GPHN: variants seen among roughly 807,000 people sequenced by gnomAD.
The protein encoded by GPHN is gephyrin.
GPHN carries 17 observed loss-of-function variants against 95.5 expected under a neutral mutation model. The ratio of observed to expected loss-of-function variants is 0.18; its 90% CI spans 0.12 to 0.27. GPHN has a LOEUF of 0.27. Among genes scored for constraint, GPHN ranks in the 10% least tolerant of loss-of-function variants. The pLI is 1.00. For missense variants in GPHN, 660 were observed against 978.1 expected, an observed-to-expected ratio of 0.67 and a Z score of 4.34; for synonymous variants, 320 against 322.5, an observed-to-expected ratio of 0.99 and a Z score of 0.08.
At chr14:66,919,323 A>G (rs1326908360) in intron 6 of GPHN, among the ~76,000 whole-genome samples, 1 of 152,166 alleles carries the variant, frequency 6.6e-6, no homozygotes, top group Non-Finnish European at 1.5e-5. Context: ...GTATTTTCCC[A>G]AGAAAAGGAG....
chr14:66,852,553 G>A (rs1329436732), intron 4 of GPHN, among the ~76,000 whole-genome samples: 1 of 152,220 alleles, frequency 6.6e-6, no homozygotes, highest in Non-Finnish European at 1.5e-5. Flanking sequence ...TCTGGGTGGG[G>A]AAATTGCTCT....
the GPHN span, among the ~76,000 whole-genome samples, chr14:67,329,172 C>T: frequency 1.3e-5 from 2 of 152,158 alleles, no homozygotes; most frequent in Non-Finnish European, 2.9e-5. Flanking sequence ...GTTTGTAGTT[C>T]TCCTTGAAGA....
At chr14:67,033,833 G>A (rs1229905568) in intron 10 of GPHN, among the ~76,000 whole-genome samples, 1 of 152,122 alleles carries the variant, frequency 6.6e-6, no homozygotes, top group Admixed American at 6.6e-5. Context: ...AGGAGCAAGA[G>A]AAAAGTAACT....
At chr14:66,930,114 G>C (rs898726291) in intron 8 of GPHN, among the ~76,000 whole-genome samples, 1 of 152,170 alleles carries the variant, frequency 6.6e-6, no homozygotes, top group Admixed American at 6.5e-5. Flanking sequence ...TGATTGGAGA[G>C]TTAAGTTCAT....
At chr14:67,126,098 A>G (rs2079298709) in intron 17 of GPHN, among the ~76,000 whole-genome samples, 1 of 152,200 alleles carries the variant, frequency 6.6e-6, no homozygotes, top group Non-Finnish European at 1.5e-5. Flanking sequence ...GAGAATTAAC[A>G]ACTGTATTTG....
chr14:67,074,598 C>G (rs2076426198), intron 11 of GPHN, among the ~76,000 whole-genome samples: 3 of 152,060 alleles, frequency 2.0e-5, no homozygotes, highest in Admixed American at 2.0e-4. Flanking sequence ...TTACATGTCT[C>G]TCATTTTAAA....
chr14:67,712,253 C>G, the GPHN span, among the ~76,000 whole-genome samples: 2 of 152,134 alleles, frequency 1.3e-5, no homozygotes, highest in East Asian at 3.9e-4. Context: ...GATCTCTGAG[C>G]TCTGGGAGGA....
intron 4 of GPHN, among the ~76,000 whole-genome samples, chr14:66,864,823 G>T (rs2063167513): frequency 6.6e-6 from 1 of 152,044 alleles, no homozygotes; most frequent in Non-Finnish European, 1.5e-5. Context: ...GCACTCCCAT[G>T]TTTCTGGCAG....
intron 1 of GPHN, among the ~76,000 whole-genome samples, chr14:66,658,661 G>C (rs1047957593): frequency 2.6e-5 from 4 of 152,064 alleles, no homozygotes; most frequent in African/African-American, 9.7e-5. Context: ...TAAAATCAAG[G>C]TATGTACATT....
chr14:67,146,452 C>A (rs1567404117), intron 18 of GPHN, among the ~76,000 whole-genome samples: 1 of 152,116 alleles, frequency 6.6e-6, no homozygotes, highest in Non-Finnish European at 1.5e-5. Context: ...TTTCTTCGAC[C>A]TACAAAATTA....
chr14:66,723,225 G>C (rs990174613), intron 2 of GPHN, among the ~76,000 whole-genome samples: 11 of 151,460 alleles, frequency 7.3e-5, no homozygotes, highest in African/African-American at 2.4e-4. Context: ...TCATCTACTT[G>C]TAAAGACGAG....
intron 1 of GPHN, among the ~76,000 whole-genome samples, chr14:66,657,514 A>G (rs1595432693): frequency 6.6e-6 from 1 of 152,196 alleles, no homozygotes; most frequent in Non-Finnish European, 1.5e-5. Flanking sequence ...ATAAGATATC[A>G]ATGCCTGGCT....
the GPHN span, among the ~76,000 whole-genome samples, chr14:67,426,372 G>A: frequency 0.013 from 1,945 of 152,194 alleles, 16 homozygotes; most frequent in Middle Eastern, 0.02. Flanking sequence ...TGGGACCATG[G>A]CTGTGAAACC....
At position 66,736,203 on chromosome 14, in the gene GPHN, A is replaced by T. The variant is rs58622301; in HGVS notation, c.144-40261A>T. 7.4e-3 allele frequency among the ~76,000 whole-genome samples: 1,116 copies of T among 151,756 alleles called. 5 individuals are homozygous for T. The highest frequency in any genetic ancestry group is 0.026 in the African/African-American group (1,066 of 41,380). ...ATTATTCATGCAAGTTTTTCATGTC[A>T]TTTGCTGGATCATTAAATTTGAGTA... On this transcript the variant is annotated intron_variant, in intron 2 of 22. Coordinates refer to ENST00000478722, the MANE Select transcript of GPHN (RefSeq NM_020806.5).
chr14:67,322,331 G>C, the GPHN span, among the ~76,000 whole-genome samples: 3 of 152,146 alleles, frequency 2.0e-5, no homozygotes, highest in East Asian at 5.8e-4. Flanking sequence ...AGAGTGAGCA[G>C]AGTGAGACTC....
At chr14:66,698,367 C>CATAG in intron 2 of GPHN, among the ~76,000 whole-genome samples, 1 of 152,114 alleles carries the variant, frequency 6.6e-6, no homozygotes. Context: ...TTACAGAATT[C>CATAG]ATAGGTAAAA....
intron 5 of GPHN, among the ~76,000 whole-genome samples, chr14:66,900,203 T>A (rs2065058940): frequency 6.6e-6 from 1 of 151,944 alleles, no homozygotes; most frequent in Non-Finnish European, 1.5e-5. Context: ...GCTTTTTGTT[T>A]CATTGACTAT....
the GPHN span, among the ~76,000 whole-genome samples, chr14:67,701,135 G>A: frequency 4.0e-5 from 6 of 150,030 alleles, no homozygotes; most frequent in Non-Finnish European, 8.9e-5. Flanking sequence ...AGGGTATAAA[G>A]AACGAACAAC....
At chr14:67,302,130 A>G in the GPHN span, 1 of 1,584,730 alleles carries the variant, frequency 6.3e-7, no homozygotes, top group African/African-American at 1.4e-5. Context: ...TAAGTGTCCC[A>G]CATACTGTTT....
Sources: gnomAD v4.1 joint callset for allele counts (sites outside exome capture counted in the v4.1 genomes callset) on GRCh38, gnomAD v4.1.1 for gene constraint, MANE v1.5 for transcripts, NCBI Gene and HGNC (gene_info 2026-07-23, HGNC 2026-07-21) for gene names.